The following PRKD1 variants were observed in gnomAD, a reference collection of about 807,000 sequenced individuals.
PRKD1 encodes the protein protein kinase D1.
Under a neutral mutation model 95.9 loss-of-function variants are expected in PRKD1, and 63 were observed. That is an observed-to-expected ratio of 0.66 (90% CI 0.54 to 0.81). The LOEUF is 0.81. PRKD1 is among the 30% of genes least tolerant of loss of function. The probability of loss-of-function intolerance (pLI) is 0.00; values close to 1 mark genes in which losing one functional copy is unlikely to be tolerated. For missense variants in PRKD1, 1,048 were observed against 1,165.3 expected, an observed-to-expected ratio of 0.90 and a Z score of 1.47; for synonymous variants, 425 against 423.1, an observed-to-expected ratio of 1.00 and a Z score of -0.05.
chr14:29,751,306 C>T (rs1887469477), intron 1 of PRKD1: 2 of 152,170 alleles, frequency 1.3e-5, no homozygotes, highest in Admixed American at 1.3e-4. Context: ...GTAGGGGAGG[C>T]CATGTGATCT....
At chr14:29,676,183 G>GTTTTTTTT (rs34953735) in intron 2 of PRKD1, among the ~76,000 whole-genome samples, 23 of 67,426 alleles carry the variant, frequency 3.4e-4, no homozygotes, top group East Asian at 7.2e-4. Context: ...TTACGTTTTT[G>GTTTTTTTT]TTTTTTTTTT....
intron 1 of PRKD1, among the ~76,000 whole-genome samples, chr14:29,837,196 T>A (rs1312196151): frequency 1.3e-5 from 2 of 152,126 alleles, no homozygotes; most frequent in Non-Finnish European, 2.9e-5. Flanking sequence ...TTCTTTCTCA[T>A]AAGGTGTTTT....
chr14:29,591,649 G>A (rs955385153), intron 16 of PRKD1, among the ~76,000 whole-genome samples: 1 of 152,148 alleles, frequency 6.6e-6, no homozygotes, highest in Non-Finnish European at 1.5e-5. Flanking sequence ...TTTAAAATAA[G>A]CCATTATCAA....
chr14:29,597,432 A>G (rs888285161), intron 16 of PRKD1, 59 bp downstream of exon 16: 1 of 1,413,796 alleles, frequency 7.1e-7, no homozygotes, highest in Non-Finnish European at 9.4e-7. Context: ...ATTAATTTAA[A>G]TTAATAACAT....
chr14:29,900,903 T>A (rs1894296676), intron 1 of PRKD1, among the ~76,000 whole-genome samples: 1 of 152,196 alleles, frequency 6.6e-6, no homozygotes, highest in African/African-American at 2.4e-5. Flanking sequence ...AAATGCAAAC[T>A]AATTCAGCCA....
chr14:29,649,050 C>A (rs1479910715), intron 4 of PRKD1, among the ~76,000 whole-genome samples: 1 of 152,122 alleles, frequency 6.6e-6, no homozygotes. Flanking sequence ...ACAGGGGTAT[C>A]TTTTGGTATC....
chr14:29,813,573 C>G (rs956267087), intron 1 of PRKD1, among the ~76,000 whole-genome samples: 7 of 152,084 alleles, frequency 4.6e-5, no homozygotes, highest in Admixed American at 2.6e-4. Context: ...GCCAAATCTG[C>G]AGGGCCACAG....
intron 13 of PRKD1, among the ~76,000 whole-genome samples, chr14:29,617,993 C>A (rs572579902): frequency 2.0e-5 from 3 of 152,176 alleles, no homozygotes; most frequent in Non-Finnish European, 4.4e-5. Context: ...ATTGCTTGAA[C>A]CTGGGTCAAG....
intron 1 of PRKD1, among the ~76,000 whole-genome samples, chr14:29,874,841 G>A (rs1298297196): frequency 1.3e-5 from 2 of 152,176 alleles, no homozygotes; most frequent in Non-Finnish European, 2.9e-5. Context: ...GCTGGGAAGG[G>A]TATGAGGGTA....
In PRKD1 at chr14:29,577,190, T is replaced by C. The variant is rs1892582454; in HGVS notation, c.*48A>G. 1 of 1,545,026 alleles carries C rather than the reference T, an allele frequency of 6.5e-7. No homozygotes were observed. The highest frequency in any genetic ancestry group is 1.1e-5 in the South Asian group (1 of 89,438). On this transcript the variant is annotated 3_prime_UTR_variant, in exon 18 of 18. Coordinates refer to ENST00000331968, the MANE Select transcript of PRKD1 (RefSeq NM_002742.3). ...AAGGCAAATGTTAAACCTGACCGTA[T>C]GTATTTATTAGTTCCACAGTGTTTT...
rs1880243676 is a variant in PRKD1, at chr14:29,634,552, C to G, written c.1191-11G>C. 6.2e-7 allele frequency: 1 copy of G among 1,613,604 alleles called. No individual in the cohort carries two copies. Among genetic ancestry groups the G allele is most frequent in the African/African-American group, 1.3e-5 (1 of 74,954 alleles). On this transcript the variant is annotated splice_polypyrimidine_tract_variant and intron_variant, in intron 7 of 17. Coordinates refer to ENST00000331968, the MANE Select transcript of PRKD1 (RefSeq NM_002742.3). The stretch of plus-strand genomic sequence containing the variant: ...TTGCTTGTTGATGGACTTGAGAAGT[C>G]AAAATATTGTAGGGAAAAAATGTTT...
At chr14:29,693,639 A>C (rs201784753) in intron 2 of PRKD1, among the ~76,000 whole-genome samples, 1,663 of 119,174 alleles carry the variant, frequency 0.014, 22 homozygotes, top group African/African-American at 0.058. Context: ...AAAAAAAAAA[A>C]AACAACAACA....
At chr14:29,600,147 T>C (rs1893465710) in intron 13 of PRKD1, among the ~76,000 whole-genome samples, 2 of 152,172 alleles carry the variant, frequency 1.3e-5, no homozygotes, top group African/African-American at 4.8e-5. Context: ...ATTAAACATA[T>C]TGTCCTAACT....
At chr14:29,852,519 G>C (rs550295224) in intron 1 of PRKD1, among the ~76,000 whole-genome samples, 1 of 149,828 alleles carries the variant, frequency 6.7e-6, no homozygotes, top group Non-Finnish European at 1.5e-5. Flanking sequence ...AGTGCATTGT[G>C]GGAGTACCAG....
chr14:29,727,021 T>G (rs989401928), intron 1 of PRKD1, among the ~76,000 whole-genome samples: 1 of 152,168 alleles, frequency 6.6e-6, no homozygotes, highest in African/African-American at 2.4e-5. Context: ...ACCAACAGTG[T>G]AAAAGTGCTC....
At chr14:29,585,705 G>A (rs923546327) in intron 16 of PRKD1, among the ~76,000 whole-genome samples, 4 of 152,146 alleles carry the variant, frequency 2.6e-5, no homozygotes, top group African/African-American at 9.7e-5. Context: ...CAGATCATAA[G>A]ATCAGTGACT....
At chr14:29,908,155 A>AC (rs1894559302) in intron 1 of PRKD1, among the ~76,000 whole-genome samples, 1 of 152,098 alleles carries the variant, frequency 6.6e-6, no homozygotes, top group Non-Finnish European at 1.5e-5. Context: ...AAAAAAAAAA[A>AC]ACTTATGCAC....
At position 29,632,156 on chromosome 14, in the gene PRKD1, C is replaced by T. The variant is rs372883248; in HGVS notation, c.1392+713G>A. On this transcript the variant is annotated intron_variant, in intron 9 of 17. Coordinates refer to ENST00000331968, the MANE Select transcript of PRKD1 (RefSeq NM_002742.3). ...TAAAAAAAAGAAATCACTACTGCATCTTCCAGGAAGTATGCAGGGGCTAAA... is the reference window on the plus strand; with the variant it reads ...TAAAAAAAAGAAATCACTACTGCATTTTCCAGGAAGTATGCAGGGGCTAAA... 5.3e-5 allele frequency among the ~76,000 whole-genome samples: 8 copies of T among 152,280 alleles called. No individual in the cohort carries two copies. The South Asian group carries it at 6.2e-4, about 12-fold the overall frequency.
At chr14:29,832,822 T>A (rs1891466324) in intron 1 of PRKD1, among the ~76,000 whole-genome samples, 1 of 152,162 alleles carries the variant, frequency 6.6e-6, no homozygotes. Flanking sequence ...AATAACATTA[T>A]CCATCTTAAC....
Sources: allele counts gnomAD v4.1 joint callset (sites outside exome capture counted in the v4.1 genomes callset), GRCh38; gene constraint gnomAD v4.1.1; transcripts MANE v1.5; gene names NCBI Gene and HGNC (gene_info 2026-07-23, HGNC 2026-07-21).